SP5: variants seen among roughly 807,000 people sequenced by gnomAD.
SP5 encodes the protein transcription factor Sp5.
SP5 carries 12 observed loss-of-function variants against 27.4 expected under a neutral mutation model. That is an observed-to-expected ratio of 0.44 (90% confidence interval 0.28 to 0.71). The LOEUF is 0.71. Ranked by LOEUF, SP5 falls within the 30% of genes least tolerant of loss-of-function variation. The pLI is 0.15. For synonymous variants in SP5, 330 were observed against 290.7 expected, an observed-to-expected ratio of 1.14 and a Z score of -1.38; for missense variants, 660 against 589.8, an observed-to-expected ratio of 1.12 and a Z score of -1.23.
rs1226499048 is a variant in SP5, at chr2:170,716,702, G to T, written c.495G>T (p.Pro165=). 6.6e-7 allele frequency: 1 copy of T among 1,514,076 alleles called. No homozygotes were observed. Among genetic ancestry groups the T allele is most frequent in the South Asian group, 1.2e-5 (1 of 81,230 alleles). The allele number at this position is 1,514,076 out of a possible 1,614,324, so 93.8% of individuals were successfully genotyped here. A position where few individuals can be genotyped will look rare whatever the true frequency, so the allele number is the denominator to read the frequency against. The change falls in exon 2 of 2, where the codon CCG becomes CCT. Residue 165 remains proline (P), a synonymous_variant. Transcript: ENST00000375281. ...LPPGYSNLLP[P]PPPPPPPPTC... is the part of the protein sequence containing the mutation. ...CAGGCTACTCCAACCTGCTGCCTCC[G>T]CCGCCGCCACCGCCCCCGCCGCCCA...
Position 170,716,375 on chromosome 2 carries a change from G to C in SP5, c.168G>C (p.Gln56His). ...CGGCGGCGCCCCCGGACTTCCTGCA[G>C]GTGCCCTACGACCCCGCGCTGGGCT... ...PGAAAPPDFL[Q>H]VPYDPALGSP... Residue 56 changes from glutamine to histidine, a missense_variant, in exon 2 of 2, where the codon CAG (glutamine) becomes CAC (histidine). Coordinates refer to ENST00000375281, the MANE Select transcript of SP5 (RefSeq NM_001003845.3). The C allele has an allele frequency of 2.5e-6, 4 of 1,597,464 alleles. No individual in the cohort carries two copies. The highest frequency in any genetic ancestry group is 3.4e-6 in the Non-Finnish European group (4 of 1,178,858).
Position 170,716,474 on chromosome 2 carries a change from T to A in SP5, c.267T>A (p.His89Gln). The A allele has an allele frequency of 6.2e-7, 1 of 1,608,418 alleles. No individual in the cohort carries two copies. The highest frequency in any genetic ancestry group is 1.1e-5 in the South Asian group (1 of 90,824). Reference protein sequence around the residue: ...AHSPGALPPPHPSLGLTPQKT... With the variant: ...AHSPGALPPPQPSLGLTPQKT... Reference sequence around the variant, plus strand: ...CGCCAGGCGCACTGCCGCCCCCGCATCCCAGCTTGGGGCTGACGCCGCAGA... The same window carrying A: ...CGCCAGGCGCACTGCCGCCCCCGCAACCCAGCTTGGGGCTGACGCCGCAGA... The change falls in exon 2 of 2, where the codon CAT (histidine) becomes CAA (glutamine). Residue 89 changes from histidine to glutamine, a missense_variant. Physicochemically the swap from His to Gln is conservative, Grantham distance 24 (BLOSUM62 0). Transcript: ENST00000375281.
rs1379390705 is a variant in SP5 at position 170,717,408 on chromosome 2, C to G, written c.*4C>G. ...GGAGGACGCGCGGGACCTGTGAGCC[C>G]TCCCGGAGGTGGACCCCCTTCCCAG... is the stretch of plus-strand genomic sequence containing the variant. On this transcript the variant is annotated 3_prime_UTR_variant, in exon 2 of 2. Transcript: ENST00000375281. The G allele has an allele frequency of 1.9e-6, 3 of 1,609,802 alleles. No homozygotes were observed. Among genetic ancestry groups the G allele is most frequent in the African/African-American group, 2.7e-5 (2 of 74,934 alleles).
rs1225017957 is a variant in SP5 at position 170,715,545 on chromosome 2, G to T, written c.33G>T (p.Ser11=). 4 of 1,558,586 alleles carry T rather than the reference G, an allele frequency of 2.6e-6. No individual in the cohort carries two copies. The highest frequency in any genetic ancestry group is 3.5e-6 in the Non-Finnish European group (4 of 1,152,042). Residue 11 remains serine, a synonymous_variant, in exon 1 of 2, where the codon TCG becomes TCT. Transcript: ENST00000375281. ...CGGTGGCCGTCCTCCGGAACGACTCGCTGCAGGCCTTTCTCCAGGTCAGGG... is the reference window on the plus strand; with the variant it reads ...CGGTGGCCGTCCTCCGGAACGACTCTCTGCAGGCCTTTCTCCAGGTCAGGG... The part of the protein sequence containing the change: MAAVAVLRND[S]LQAFLQDRTP...
rs1334675235 is a variant in SP5, at chr2:170,717,676, G to T, written c.*272G>T. The T allele has an allele frequency of 1.8e-6, 1 of 544,658 alleles. No individual in the cohort carries two copies. The highest frequency in any genetic ancestry group is 1.9e-5 in the African/African-American group (1 of 52,892). The allele number at this position is 544,658 out of a possible 1,614,324, so 33.7% of individuals were successfully genotyped here. A position where few individuals can be genotyped will look rare whatever the true frequency, so the allele number is the denominator to read the frequency against. The stretch of plus-strand genomic sequence containing the variant: ...AACTCTAAACCGTTCCCACCGTCAG[G>T]GAGACCTACAGTTTCGGGGGACCAC... On this transcript the variant is annotated 3_prime_UTR_variant, in exon 2 of 2. Coordinates refer to ENST00000375281, the MANE Select transcript of SP5 (RefSeq NM_001003845.3).
In SP5 at chr2:170,717,326, G is replaced by A. The variant is rs1559231617; in HGVS notation, c.1119G>A (p.Lys373=). 1.2e-6 allele frequency: 2 copies of A among 1,610,520 alleles called. No homozygotes were observed. Among genetic ancestry groups the A allele is most frequent in the South Asian group, 1.1e-5 (1 of 91,068 alleles). The stretch of plus-strand genomic sequence containing the variant: ...TCATGCGCAGCGACCACCTCGCGAA[G>A]CACGTCAAGACTCACCAGAATAAGA... ...KRFMRSDHLA[K]HVKTHQNKKL... Residue 373 remains lysine (K), a synonymous_variant, in exon 2 of 2, where the codon AAG becomes AAA. Transcript: ENST00000375281.
In SP5 at chr2:170,716,352, G is replaced by A; in HGVS notation, c.145G>A (p.Ala49Thr). 1.3e-6 allele frequency: 2 copies of A among 1,596,116 alleles called. No individual in the cohort carries two copies. The highest frequency in any genetic ancestry group is 1.7e-6 in the Non-Finnish European group (2 of 1,178,688). Residue 49 changes from alanine (A) to threonine (T), a missense_variant, in exon 2 of 2, where the codon GCG becomes ACG. Coordinates refer to ENST00000375281, the MANE Select transcript of SP5 (RefSeq NM_001003845.3). ...TCSRIGQPGA[A>T]APPDFLQVPY... ...TAGCCGCATCGGCCAGCCGGGCGCG[G>A]CGGCGCCCCCGGACTTCCTGCAGGT...
chr2:170,716,547 A>C lies in SP5; in HGVS notation c.340A>C (p.Thr114Pro). Reference protein sequence around the residue: ...SFGAAHELPLTPPADPSYPYE... With the variant: ...SFGAAHELPLPPPADPSYPYE... ...CGGGGCTGCGCACGAGCTTCCCCTT[A>C]CACCCCCCGCCGACCCCTCGTACCC... Residue 114 changes from threonine to proline, a missense_variant, in exon 2 of 2, where the codon ACA (threonine) becomes CCA (proline). Thr to Pro is a conservative substitution (Grantham distance 38). Transcript: ENST00000375281. The C allele has an allele frequency of 6.2e-7, 1 of 1,610,532 alleles. No homozygotes were observed. The highest frequency in any genetic ancestry group is 8.5e-7 in the Non-Finnish European group (1 of 1,179,086).
Position 170,715,484 on chromosome 2 carries a change from C to A in SP5, c.-29C>A. On this transcript the variant is annotated 5_prime_UTR_variant, in exon 1 of 2. Coordinates refer to ENST00000375281, the MANE Select transcript of SP5 (RefSeq NM_001003845.3). ...CATGCCTCGGCGGCGGCGTCCCGCTCCGCAGCCAGGGGCCTGCAAGCCGTA... is the reference window on the plus strand; with the variant it reads ...CATGCCTCGGCGGCGGCGTCCCGCTACGCAGCCAGGGGCCTGCAAGCCGTA... 6.5e-7 allele frequency: 1 copy of A among 1,544,702 alleles called. No homozygotes were observed. Among genetic ancestry groups the A allele is most frequent in the South Asian group, 1.2e-5 (1 of 83,616 alleles).
Position 170,715,554 on chromosome 2 carries a change from CT to C in SP5, c.45del (p.Leu16SerfsTer79). 1 of 1,557,912 alleles carries C rather than the reference CT, an allele frequency of 6.4e-7. No homozygotes were observed. The highest frequency in any genetic ancestry group is 1.2e-5 in the South Asian group (1 of 84,220). ...TCCTCCGGAACGACTCGCTGCAGGC[CT>C]TTCTCCAGGTCAGGGCCGAGCCCGG... ...AVLRNDSLQA[F>X]LQDRTPSASP... On this transcript the variant is annotated frameshift_variant, in exon 1 of 2. Transcript: ENST00000375281. LOFTEE classifies it high-confidence loss of function.
chr2:170,716,657 G>C lies in SP5; in HGVS notation c.450G>C (p.Ala150=). 1 of 1,601,098 alleles carries C rather than the reference G, an allele frequency of 6.2e-7. No individual in the cohort carries two copies. Among genetic ancestry groups the C allele is most frequent in the Non-Finnish European group, 8.5e-7 (1 of 1,176,116 alleles). ...ASCAPAYVPY[A]AQAALPPGYS... is the part of the protein sequence containing the mutation. ...GCGCGCCCGCCTACGTGCCCTACGC[G>C]GCGCAGGCCGCGCTGCCGCCAGGCT... The change falls in exon 2 of 2, where the codon GCG becomes GCC. Residue 150 remains alanine, a synonymous_variant. Transcript: ENST00000375281.
Position 170,715,563 on chromosome 2 carries a change from G to C in SP5, c.51G>C (p.Gln17His), listed in dbSNP as rs867287335. 1.9e-6 allele frequency: 3 copies of C among 1,555,790 alleles called. No individual in the cohort carries two copies. The highest frequency in any genetic ancestry group is 1.7e-6 in the Non-Finnish European group (2 of 1,150,742). Residue 17 changes from glutamine to histidine, a missense_variant and splice_region_variant, in exon 1 of 2, where the codon CAG (glutamine) becomes CAC (histidine). Coordinates refer to ENST00000375281, the MANE Select transcript of SP5 (RefSeq NM_001003845.3). The part of the protein sequence containing the change: ...LRNDSLQAFL[Q>H]DRTPSASPDL... ...ACGACTCGCTGCAGGCCTTTCTCCAGGTCAGGGCCGAGCCCGGAGGGGGCG... is the reference window on the plus strand; with the variant it reads ...ACGACTCGCTGCAGGCCTTTCTCCACGTCAGGGCCGAGCCCGGAGGGGGCG...
intron 1 of SP5, chr2:170,715,885 G>C (rs1406316786): frequency 2.0e-6 from 2 of 985,450 alleles, no homozygotes; most frequent in Admixed American, 1.2e-4. Flanking sequence ...GAGCTTAAAA[G>C]ATGGGAGGGA....
Position 170,717,333 on chromosome 2 carries a change from A to G in SP5, c.1126A>G (p.Lys376Glu). 6.2e-7 allele frequency: 1 copy of G among 1,610,804 alleles called. No homozygotes were observed. The highest frequency in any genetic ancestry group is 8.5e-7 in the Non-Finnish European group (1 of 1,179,980). Residue 376 changes from lysine (K) to glutamate (E), a missense_variant, in exon 2 of 2, where the codon AAG (lysine) becomes GAG (glutamate). By Grantham distance (56) the Lys-to-Glu change is moderately conservative (BLOSUM62 1). Transcript: ENST00000375281. The stretch of plus-strand genomic sequence containing the variant: ...CAGCGACCACCTCGCGAAGCACGTC[A>G]AGACTCACCAGAATAAGAAGCTCAA... ...MRSDHLAKHV[K>E]THQNKKLKVA...
At position 170,717,065 on chromosome 2, in the gene SP5, C is replaced by A. The variant is rs1360592736; in HGVS notation, c.858C>A (p.Pro286=). ...ACTGCCAGGCGGCGGGCGGCGCCCCCGAGGCGGAGCCGGGGAAGAAGAAGC... is the reference window on the plus strand; with the variant it reads ...ACTGCCAGGCGGCGGGCGGCGCCCCAGAGGCGGAGCCGGGGAAGAAGAAGC... ...CPNCQAAGGA[P]EAEPGKKKQH... The change falls in exon 2 of 2, where the codon CCC becomes CCA. Residue 286 remains proline, a synonymous_variant. Coordinates refer to ENST00000375281, the MANE Select transcript of SP5 (RefSeq NM_001003845.3). The A allele has an allele frequency of 3.9e-6, 6 of 1,553,464 alleles. No homozygotes were observed. The South Asian group carries it at 4.7e-5, about 12-fold the overall frequency.
rs2105589612 is a variant in SP5, at chr2:170,717,174, G to A, written c.967G>A (p.Glu323Lys). The A allele has an allele frequency of 6.2e-7, 1 of 1,607,372 alleles. No individual in the cohort carries two copies. The highest frequency in any genetic ancestry group is 1.3e-5 in the African/African-American group (1 of 74,980). Residue 323 changes from glutamate to lysine, a missense_variant, in exon 2 of 2, where the codon GAG becomes AAG. Glu to Lys is a moderately conservative substitution (Grantham distance 56). Coordinates refer to ENST00000375281, the MANE Select transcript of SP5 (RefSeq NM_001003845.3). Reference sequence around the variant, plus strand: ...GGCGCACCTGCGCTGGCACACGGGCGAGCGACCCTTCGTGTGCAACTGGCT... The same window carrying A: ...GGCGCACCTGCGCTGGCACACGGGCAAGCGACCCTTCGTGTGCAACTGGCT... ...LKAHLRWHTG[E>K]RPFVCNWLFC...
rs1227047152 is a variant in SP5 at position 170,715,375 on chromosome 2, G to A, written c.-138G>A. ...GGCGAGCGAGCGGGGCGCGGCGAGG[G>A]GCAAGGGCGGGGAGGGCCCCGGCGC... On this transcript the variant is annotated 5_prime_UTR_variant, in exon 1 of 2. Coordinates refer to ENST00000375281, the MANE Select transcript of SP5 (RefSeq NM_001003845.3). The A allele has an allele frequency of 6.8e-6, 8 of 1,177,742 alleles. No homozygotes were observed. Among genetic ancestry groups the A allele is most frequent in the Admixed American group, 4.0e-5 (1 of 24,916 alleles). The allele number at this position is 1,177,742 out of a possible 1,614,324, so 73.0% of individuals were successfully genotyped here.
In SP5 at chr2:170,716,394, C is replaced by A; in HGVS notation, c.187C>A (p.Leu63Met). The A allele has an allele frequency of 6.3e-7, 1 of 1,598,808 alleles. No individual in the cohort carries two copies. ...DFLQVPYDPA[L>M]GSPSRLFHPW... ...CCTGCAGGTGCCCTACGACCCCGCG[C>A]TGGGCTCACCCTCCAGGCTCTTCCA... is the stretch of plus-strand genomic sequence containing the variant. The change falls in exon 2 of 2, where the codon CTG (leucine) becomes ATG (methionine). Residue 63 changes from leucine to methionine, a missense_variant. Transcript: ENST00000375281.
In SP5 at chr2:170,715,460, A is replaced by G; in HGVS notation, c.-53A>G. 1.3e-6 allele frequency: 2 copies of G among 1,541,948 alleles called. No homozygotes were observed. Among genetic ancestry groups the G allele is most frequent in the Non-Finnish European group, 1.7e-6 (2 of 1,143,808 alleles). The stretch of plus-strand genomic sequence containing the variant: ...CCTTCGTCCTCGCCTTCGGGTGTCC[A>G]TGCCTCGGCGGCGGCGTCCCGCTCC... On this transcript the variant is annotated 5_prime_UTR_variant, in exon 1 of 2. It removes an upstream start codon present in the reference 5' UTR. Coordinates refer to ENST00000375281, the MANE Select transcript of SP5 (RefSeq NM_001003845.3).
Sources: allele counts gnomAD v4.1 joint callset, GRCh38; gene constraint gnomAD v4.1.1; transcripts MANE v1.5; gene names NCBI Gene and HGNC (gene_info 2026-07-23, HGNC 2026-07-21).